The following LRRC4C variants were observed in gnomAD, a reference collection of about 807,000 sequenced individuals.
LRRC4C encodes the protein leucine-rich repeat-containing protein 4C.
LRRC4C carries 5 observed loss-of-function variants against 33.6 expected under a neutral mutation model. The ratio of observed to expected loss-of-function variants is 0.15; its 90% CI spans 0.08 to 0.31. LRRC4C has a LOEUF of 0.31. Ranked by LOEUF, LRRC4C falls within the 10% of genes least tolerant of loss-of-function variation. The probability of loss-of-function intolerance (pLI) is 1.00; values close to 1 mark genes in which losing one functional copy is unlikely to be tolerated. For missense variants in LRRC4C, 560 were observed against 796.7 expected (o/e 0.70, Z 3.58); for synonymous variants, 329 against 302.0 (o/e 1.09, Z -0.93).
intron 2 of LRRC4C, among the ~76,000 whole-genome samples, chr11:40,853,812 C>T (rs927410714): frequency 6.6e-6 from 1 of 152,096 alleles, no homozygotes; most frequent in Non-Finnish European, 1.5e-5. Context: ...GCCGTGATAG[C>T]AAATAACATC....
intron 1 of LRRC4C, among the ~76,000 whole-genome samples, chr11:41,126,438 G>T (rs574676762): frequency 6.6e-6 from 1 of 151,888 alleles, no homozygotes; most frequent in South Asian, 2.1e-4. Context: ...AAATTATAAG[G>T]CTTCAGACAT....
intron 2 of LRRC4C, among the ~76,000 whole-genome samples, chr11:40,713,212 C>T (rs1946551879): frequency 6.6e-6 from 1 of 152,024 alleles, no homozygotes; most frequent in Non-Finnish European, 1.5e-5. Context: ...TTTTAAAGTT[C>T]TGATCTAATT....
chr11:40,830,362 T>C (rs968543771), intron 2 of LRRC4C, among the ~76,000 whole-genome samples: 3 of 152,058 alleles, frequency 2.0e-5, no homozygotes, highest in African/African-American at 7.2e-5. Flanking sequence ...ACCAAAGCAG[T>C]ATTATCAACT....
chr11:40,503,484 G>C (rs942627356), intron 3 of LRRC4C, among the ~76,000 whole-genome samples: 1 of 152,152 alleles, frequency 6.6e-6, no homozygotes, highest in African/African-American at 2.4e-5. Context: ...GCTGGTTACT[G>C]TGAAACCCTG....
At chr11:40,274,016 T>C (rs1942907222) in intron 4 of LRRC4C, among the ~76,000 whole-genome samples, 1 of 152,048 alleles carries the variant, frequency 6.6e-6, no homozygotes, top group Admixed American at 6.6e-5. Context: ...CCTATCACTT[T>C]AATCTTGGTA....
chr11:40,459,085 T>A (rs1952268065), intron 3 of LRRC4C, among the ~76,000 whole-genome samples: 1 of 152,172 alleles, frequency 6.6e-6, no homozygotes, highest in African/African-American at 2.4e-5. Context: ...CTCTTCATGT[T>A]GATTGTCTCT....
At chr11:41,044,727 G>A (rs1462220) in intron 1 of LRRC4C, among the ~76,000 whole-genome samples, 60,952 of 151,856 alleles carry the variant, frequency 0.4, 13,398 homozygotes, top group South Asian at 0.51. Context: ...ATATACTAGT[G>A]GAGAAAACTG....
At chr11:40,588,193 G>A (rs2135711371) in intron 3 of LRRC4C, among the ~76,000 whole-genome samples, 2 of 151,056 alleles carry the variant, frequency 1.3e-5, no homozygotes, top group Middle Eastern at 6.9e-3. Context: ...CTTCTTCCTG[G>A]TTTAGTCTTG....
intron 4 of LRRC4C, among the ~76,000 whole-genome samples, chr11:40,311,423 G>T (rs1407404309): frequency 6.6e-6 from 1 of 152,146 alleles, no homozygotes; most frequent in African/African-American, 2.4e-5. Flanking sequence ...TACTTAATGA[G>T]TGAGTGCTCA....
intron 2 of LRRC4C, among the ~76,000 whole-genome samples, chr11:40,911,945 A>C (rs1956717366): frequency 6.6e-6 from 1 of 152,350 alleles, no homozygotes; most frequent in Non-Finnish European, 1.5e-5. Flanking sequence ...AAAAGGTATC[A>C]GTGATGGAAG....
At chr11:40,640,502 G>A (rs990540434) in intron 3 of LRRC4C, among the ~76,000 whole-genome samples, 5 of 151,340 alleles carry the variant, frequency 3.3e-5, no homozygotes, top group South Asian at 2.1e-4. Context: ...TAAACTATAC[G>A]TTTTCTATAT....
chr11:41,437,173 T>C (rs1411533270), intron 1 of LRRC4C, among the ~76,000 whole-genome samples: 2 of 152,194 alleles, frequency 1.3e-5, no homozygotes, highest in Non-Finnish European at 2.9e-5. Context: ...TGAACTCTTA[T>C]CTTCCCCACC....
chr11:41,168,348 C>T (rs549432640), intron 1 of LRRC4C, among the ~76,000 whole-genome samples: 2 of 152,294 alleles, frequency 1.3e-5, no homozygotes, highest in East Asian at 3.9e-4. Flanking sequence ...GAGTGAACTA[C>T]AGAATTGACC....
In LRRC4C at chr11:40,403,677, C is replaced by T. The variant is rs1210261350; in HGVS notation, c.-269-83956G>A. On this transcript the variant is annotated intron_variant, in intron 3 of 6. Transcript: ENST00000528697. The stretch of plus-strand genomic sequence containing the variant: ...TTTTCTGTTCCTTGTTGAAGGAAAC[C>T]ATATCTGACAGTCTGAGCTTCAAAA... Among the ~76,000 whole-genome samples, 4 of 151,982 alleles carry T rather than the reference C, an allele frequency of 2.6e-5. No individual in the cohort carries two copies. In the East Asian group the frequency reaches 7.7e-4, roughly 29 times the overall value.
chr11:40,399,806 T>G (rs1949691487), intron 3 of LRRC4C, among the ~76,000 whole-genome samples: 2 of 152,074 alleles, frequency 1.3e-5, no homozygotes, highest in Non-Finnish European at 2.9e-5. Flanking sequence ...ATGAAACCAT[T>G]GCAACCTTCC....
At chr11:41,227,192 A>C (rs1056223894) in intron 1 of LRRC4C, among the ~76,000 whole-genome samples, 22 of 152,012 alleles carry the variant, frequency 1.4e-4, no homozygotes, top group African/African-American at 5.1e-4. Flanking sequence ...CATATATTGG[A>C]CACATATTTT....
At chr11:41,176,960 A>T (rs982563648) in intron 1 of LRRC4C, among the ~76,000 whole-genome samples, 1 of 148,246 alleles carries the variant, frequency 6.7e-6, no homozygotes, top group Non-Finnish European at 1.5e-5. Flanking sequence ...GTAATACTCC[A>T]TCTCTATAAA....
chr11:40,654,091 T>C (rs956448870), intron 2 of LRRC4C, among the ~76,000 whole-genome samples: 1 of 152,214 alleles, frequency 6.6e-6, no homozygotes, highest in African/African-American at 2.4e-5. Context: ...AATGCCTGCA[T>C]GTCCAGAGAC....
At chr11:41,351,035 G>A (rs113951720) in intron 1 of LRRC4C, among the ~76,000 whole-genome samples, 1,752 of 152,252 alleles carry the variant, frequency 0.012, 39 homozygotes, top group African/African-American at 0.04. Context: ...TTTGAGATCA[G>A]CCTGGGCAAC....
Sources: gnomAD v4.1 joint callset for allele counts (sites outside exome capture counted in the v4.1 genomes callset) on GRCh38, gnomAD v4.1.1 for gene constraint, MANE v1.5 for transcripts, NCBI Gene and HGNC (gene_info 2026-07-23, HGNC 2026-07-21) for gene names.